The following EPG5 variants were observed in gnomAD, a reference collection of about 807,000 sequenced individuals.
EPG5 encodes the protein ectopic P granules protein 5 homolog.
Under a neutral mutation model 302.7 loss-of-function variants are expected in EPG5, and 159 were observed. The observed-to-expected ratio is 0.53, with a 90% CI of 0.46 to 0.60. EPG5 has a LOEUF of 0.60. EPG5 is among the 20% of genes least tolerant of loss of function. The pLI is 0.00. For missense variants in EPG5, 2,896 were observed against 3,092.4 expected, an observed-to-expected ratio of 0.94 and a Z score of 1.51; for synonymous variants, 1,158 against 1,136.8, an observed-to-expected ratio of 1.02 and a Z score of -0.37.
chr18:45,899,242 ATG>A (rs1270673955), intron 27 of EPG5, among the ~76,000 whole-genome samples, 160 bp downstream of exon 27: 3 of 152,152 alleles, frequency 2.0e-5, no homozygotes, highest in Non-Finnish European at 2.9e-5. Context: ...ACCTACAAAA[ATG>A]TGTGATTAGC....
chr18:45,878,481 C>G (rs770090007), intron 33 of EPG5, 33 bp from the exon 34 acceptor site: 2 of 1,343,082 alleles, frequency 1.5e-6, no homozygotes, highest in South Asian at 2.4e-5. Flanking sequence ...CAAAGGTCAT[C>G]ATTTGTCATT....
At position 45,899,580 on chromosome 18, in the gene EPG5, T is replaced by A; in HGVS notation, c.4647-14A>T. ...AGAGCTGCGGTTCTGAAAAACATCA[T>A]CAGGAGGTAAAAGAAAGTCTTAGGA... On this transcript the variant is annotated splice_polypyrimidine_tract_variant and intron_variant, in intron 26 of 43. Coordinates refer to ENST00000282041, the MANE Select transcript of EPG5 (RefSeq NM_020964.3). The A allele has an allele frequency of 6.2e-7, 1 of 1,613,524 alleles. No individual in the cohort carries two copies. Among genetic ancestry groups the A allele is most frequent in the African/African-American group, 1.3e-5 (1 of 74,990 alleles).
intron 38 of EPG5, 132 bp from the exon 39 acceptor site, chr18:45,865,891 T>C: frequency 9.5e-7 from 1 of 1,055,838 alleles, no homozygotes; most frequent in Non-Finnish European, 1.4e-6. Flanking sequence ...GGAAGCCACA[T>C]GAAGACTTAG....
At chr18:45,966,877 C>T (rs1376959299) in intron 1 of EPG5, among the ~76,000 whole-genome samples, 1 of 152,090 alleles carries the variant, frequency 6.6e-6, no homozygotes, top group Admixed American at 6.6e-5. Flanking sequence ...AAAATTATTT[C>T]ACGGCAGGAA....
intron 10 of EPG5, among the ~76,000 whole-genome samples, chr18:45,939,165 C>A (rs1025188564): frequency 3.9e-5 from 6 of 152,230 alleles, no homozygotes; most frequent in Non-Finnish European, 8.8e-5. Flanking sequence ...GAACCAAGAT[C>A]CATGACATTC....
At chr18:45,946,558 G>T in intron 7 of EPG5, 105 bp downstream of exon 7, 1 of 820,054 alleles carries the variant, frequency 1.2e-6, no homozygotes, top group Non-Finnish European at 2.0e-6. Context: ...TGGAGTTGCT[G>T]AGAGAATTAA....
chr18:45,858,634 T>C lies in EPG5; in HGVS notation c.7158A>G (p.Glu2386=), dbSNP rs745920832. The C allele has an allele frequency of 2.5e-6, 4 of 1,614,028 alleles. No individual in the cohort carries two copies. The African/African-American group carries it at 5.3e-5, about 22-fold the overall frequency. The change falls in exon 41 of 44, where the codon GAA becomes GAG. Residue 2386 remains glutamate, a synonymous_variant. Coordinates refer to ENST00000282041, the MANE Select transcript of EPG5 (RefSeq NM_020964.3). ...CTTTCATTTCATTCCTTAAAGTCTG[T>C]TCGCTGTTTAAACACTGAAGCAAGT... ...YVYLLQCLNS[E]QTLRNEMKVL...
At position 45,860,075 on chromosome 18, in the gene EPG5, C is replaced by T. The variant is rs759169272; in HGVS notation, c.7009+29G>A. ...TTCATCTTTCTGGAAAAGACCAATA[C>T]AATGGAGCGTAAGATGACCTCCTCT... On this transcript the variant is annotated intron_variant, in intron 40 of 43. Coordinates refer to ENST00000282041, the MANE Select transcript of EPG5 (RefSeq NM_020964.3). 3 of 1,612,960 alleles carry T rather than the reference C, an allele frequency of 1.9e-6. No homozygotes were observed. The African/African-American group carries it at 4.0e-5, about 22-fold the overall frequency.
At chr18:45,943,687 G>A (rs1009821290) in intron 8 of EPG5, among the ~76,000 whole-genome samples, 8 of 151,968 alleles carry the variant, frequency 5.3e-5, no homozygotes, top group Non-Finnish European at 8.8e-5. Context: ...TTTGGGAGGC[G>A]GAGACGGGCG....
At chr18:45,892,049 T>C (rs2049363582) in intron 27 of EPG5, among the ~76,000 whole-genome samples, 1 of 152,062 alleles carries the variant, frequency 6.6e-6, no homozygotes, top group Non-Finnish European at 1.5e-5. Context: ...AGACACAGAA[T>C]GAAGGGAGGT....
intron 2 of EPG5, 90 bp from the exon 3 acceptor site, chr18:45,952,733 G>T (rs1301248316): frequency 2.2e-6 from 3 of 1,351,744 alleles, no homozygotes; most frequent in Non-Finnish European, 3.1e-6. Flanking sequence ...ACAGGCTTCA[G>T]TACCATCTTC....
the EPG5 span, among the ~76,000 whole-genome samples, chr18:45,824,453 G>A: frequency 7.2e-5 from 11 of 152,296 alleles, no homozygotes; most frequent in Admixed American, 5.2e-4. Context: ...TGATCTGCCC[G>A]CCTCAGCCTC....
At chr18:45,929,135 C>A in intron 12 of EPG5, 126 bp from the exon 13 acceptor site, 2 of 950,728 alleles carry the variant, frequency 2.1e-6, no homozygotes, top group Non-Finnish European at 3.1e-6. Context: ...ACACTATGTT[C>A]CAAAAAATGT....
chr18:45,923,408 C>A, intron 14 of EPG5, 21 bp from the exon 15 acceptor site: 1 of 1,605,964 alleles, frequency 6.2e-7, no homozygotes, highest in South Asian at 1.1e-5. Context: ...GAAAAATAAT[C>A]ACAAACATAC....
chr18:45,958,668 A>G (rs1430440291), intron 1 of EPG5, among the ~76,000 whole-genome samples: 1 of 152,258 alleles, frequency 6.6e-6, no homozygotes, highest in Non-Finnish European at 1.5e-5. Flanking sequence ...TGCAAAAAGG[A>G]TCATACACCT....
chr18:45,931,303 A>G (rs1249522706), intron 11 of EPG5, among the ~76,000 whole-genome samples: 1 of 152,246 alleles, frequency 6.6e-6, no homozygotes, highest in Non-Finnish European at 1.5e-5. Context: ...CATTCCAAAA[A>G]AAAGAGATTT....
rs776913369 is a variant in EPG5, at chr18:45,915,553, G to A, written c.3651C>T (p.Asn1217=). 8.1e-6 allele frequency: 13 copies of A among 1,614,210 alleles called. No homozygotes were observed. In the South Asian group the frequency reaches 9.9e-5, roughly 12 times the overall value. ...AGCCCTCCACAAAGGAAGGAGTGAT[G>A]TTGCCTGCCACAATCCAGCTTACCA... ...SSLVSWIVAG[N]ITPSFVEGLA... is the part of the protein sequence containing the mutation. The change falls in exon 20 of 44, where the codon AAC becomes AAT. Residue 1217 remains asparagine, a synonymous_variant. Transcript: ENST00000282041.
intron 2 of EPG5, chr18:45,953,969 A>T (rs1483506725): frequency 1.0e-6 from 1 of 970,900 alleles, no homozygotes; most frequent in Non-Finnish European, 1.2e-6. Context: ...CCATGGGCTG[A>T]ATTTCAGCTG....
In EPG5 at chr18:45,879,596, T is replaced by A. The variant is rs540812647; in HGVS notation, c.5668-382A>T. 3.3e-5 allele frequency among the ~76,000 whole-genome samples: 5 copies of A among 152,350 alleles called. No homozygotes were observed. The South Asian group carries it at 1.0e-3, about 32-fold the overall frequency. On this transcript the variant is annotated intron_variant, in intron 32 of 43. Coordinates refer to ENST00000282041, the MANE Select transcript of EPG5 (RefSeq NM_020964.3). ...GTTGCCCAGGCTGGTCTCGAATCCC[T>A]GACCTCAAGTGATCCGCCCACCTTG... is the stretch of plus-strand genomic sequence containing the variant.
Sources: gnomAD v4.1 joint callset for allele counts (sites outside exome capture counted in the v4.1 genomes callset) on GRCh38, gnomAD v4.1.1 for gene constraint, MANE v1.5 for transcripts, NCBI Gene and HGNC (gene_info 2026-07-23, HGNC 2026-07-21) for gene names.